The following FOXP2 variants were observed in gnomAD, a reference collection of about 807,000 sequenced individuals.
FOXP2 encodes forkhead box protein P2.
In FOXP2, 12 loss-of-function variants were observed where a neutral mutation model predicts 115.8. The ratio of observed to expected loss-of-function variants is 0.10; its 90% CI spans 0.07 to 0.17. The LOEUF (loss-of-function observed/expected upper bound fraction) is 0.17. Among genes scored for constraint, FOXP2 ranks in the 10% least tolerant of loss-of-function variants. FOXP2 has a pLI of 1.00. For missense variants in FOXP2, 629 were observed against 843.5 expected (o/e 0.75, Z 3.15); for synonymous variants, 328 against 297.7 (o/e 1.10, Z -1.05).
At chr7:114,557,823 A>ATTTG (rs1800541461) in intron 3 of FOXP2, among the ~76,000 whole-genome samples, 1 of 150,950 alleles carries the variant, frequency 6.6e-6, no homozygotes, top group Non-Finnish European at 1.5e-5. Flanking sequence ...TTATTTATTT[A>ATTTG]TTTAGAGATG....
Position 114,459,841 on chromosome 7 carries a change from G to A in FOXP2, c.168+33162G>A, listed in dbSNP as rs1041281002. On this transcript the variant is annotated intron_variant, in intron 2 of 16. Transcript: ENST00000350908. ...ATGTTGGTCCGGTTGATCTCGAACC[G>A]CTGACCTCAAGTGATCCTCCCGCCT... 1.7e-4 allele frequency among the ~76,000 whole-genome samples: 26 copies of A among 152,110 alleles called. 1 individual carries two copies. The highest frequency in any genetic ancestry group is 6.5e-5 in the Admixed American group (1 of 15,278).
At chr7:114,120,057 C>T (rs987459305) in intron 1 of FOXP2, among the ~76,000 whole-genome samples, 1 of 152,136 alleles carries the variant, frequency 6.6e-6, no homozygotes. Flanking sequence ...TCTGACATCT[C>T]ATCATTTAGC....
At chr7:114,534,830 T>G (rs1799302108) in intron 3 of FOXP2, 124 bp downstream of exon 3, 4 of 742,182 alleles carry the variant, frequency 5.4e-6, no homozygotes, top group Non-Finnish European at 9.5e-6. Flanking sequence ...GTAATTTTAA[T>G]TCATAAAGAG....
At chr7:114,628,401 T>C in intron 3 of FOXP2, 139 bp from the exon 4 acceptor site, 1 of 1,128,118 alleles carries the variant, frequency 8.9e-7, no homozygotes, top group Non-Finnish European at 1.3e-6. Context: ...TGTAAAGAAG[T>C]TATAGTAAAA....
chr7:114,515,049 A>G (rs1798263386), intron 2 of FOXP2, among the ~76,000 whole-genome samples: 2 of 151,280 alleles, frequency 1.3e-5, no homozygotes, highest in East Asian at 3.9e-4. Flanking sequence ...ACATGAACTC[A>G]TCATTTTTTA....
intron 1 of FOXP2, among the ~76,000 whole-genome samples, chr7:114,233,534 G>A (rs117622066): frequency 0.035 from 5,359 of 152,290 alleles, 139 homozygotes; most frequent in Non-Finnish European, 0.051. Flanking sequence ...AAGGGCTATG[G>A]GAATGGAGTG....
At chr7:114,411,788 C>A (rs897321998), upstream of FOXP2, among the ~76,000 whole-genome samples, 1 of 152,094 alleles carries the variant, frequency 6.6e-6, no homozygotes, top group Non-Finnish European at 1.5e-5. Context: ...CTTCTCAAAG[C>A]TGACAGTTGT....
chr7:114,599,604 CT>C (rs1047120795), intron 3 of FOXP2, among the ~76,000 whole-genome samples: 10 of 151,818 alleles, frequency 6.6e-5, no homozygotes, highest in South Asian at 2.1e-4. Context: ...AGTAGTATAA[CT>C]TTTTTTTATA....
chr7:114,399,039 T>C (rs185395506), intron 2 of FOXP2, among the ~76,000 whole-genome samples: 3 of 152,310 alleles, frequency 2.0e-5, no homozygotes, highest in East Asian at 3.9e-4. Flanking sequence ...CATGATCTGC[T>C]TACAGAAGAT....
At chr7:114,629,473 A>G in intron 4 of FOXP2, 1 of 843,694 alleles carries the variant, frequency 1.2e-6, no homozygotes, top group East Asian at 2.7e-5. Flanking sequence ...TTTTATTCTT[A>G]CAACTGGTAG....
intron 1 of FOXP2, among the ~76,000 whole-genome samples, chr7:114,228,350 A>G (rs1030931863): frequency 1.3e-5 from 2 of 152,030 alleles, no homozygotes; most frequent in African/African-American, 2.4e-5. Flanking sequence ...GGTGCCCTCA[A>G]TTGGTGCCTT....
At chr7:114,637,984 T>C (rs1179358085) in intron 6 of FOXP2, among the ~76,000 whole-genome samples, 5 of 152,144 alleles carry the variant, frequency 3.3e-5, no homozygotes, top group Admixed American at 3.3e-4. Flanking sequence ...TCAAAAGCAC[T>C]ATGTAAGTAT....
At chr7:114,353,241 A>G (rs1791536165) in intron 2 of FOXP2, among the ~76,000 whole-genome samples, 1 of 151,350 alleles carries the variant, frequency 6.6e-6, no homozygotes, top group South Asian at 2.1e-4. Context: ...ATTCATGTGT[A>G]GATGATCTTC....
At chr7:114,297,713 G>C (rs1226225095) in intron 2 of FOXP2, among the ~76,000 whole-genome samples, 1 of 152,094 alleles carries the variant, frequency 6.6e-6, no homozygotes, top group Non-Finnish European at 1.5e-5. Flanking sequence ...ATGGGATTCA[G>C]TCAGTTTCGA....
At chr7:114,372,710 G>A (rs1449554205) in intron 2 of FOXP2, among the ~76,000 whole-genome samples, 2 of 151,876 alleles carry the variant, frequency 1.3e-5, no homozygotes, top group African/African-American at 4.8e-5. Context: ...TCACTGTTAG[G>A]GTTTTTTTTT....
intron 2 of FOXP2, among the ~76,000 whole-genome samples, chr7:114,380,270 G>C (rs1172414009): frequency 6.6e-6 from 1 of 152,114 alleles, no homozygotes; most frequent in Non-Finnish European, 1.5e-5. Flanking sequence ...TTGCTGCGTG[G>C]GCATGGAGGA....
intron 1 of FOXP2, among the ~76,000 whole-genome samples, chr7:114,240,139 A>G: frequency 6.6e-6 from 1 of 152,188 alleles, no homozygotes; most frequent in Admixed American, 6.5e-5. Flanking sequence ...ATGCAGAAAG[A>G]TGTTATTGTC....
chr7:114,482,580 T>C (rs949489996), intron 2 of FOXP2, among the ~76,000 whole-genome samples: 1 of 151,580 alleles, frequency 6.6e-6, no homozygotes, highest in Non-Finnish European at 1.5e-5. Flanking sequence ...TTCTTTCCCT[T>C]TCATTTCCAT....
intron 2 of FOXP2, among the ~76,000 whole-genome samples, chr7:114,527,095 C>T (rs1340012506): frequency 6.7e-6 from 1 of 150,234 alleles, no homozygotes; most frequent in Non-Finnish European, 1.5e-5. Context: ...TTTTATTTAG[C>T]ATAATGTTTT....
Sources: allele counts gnomAD v4.1 joint callset (sites outside exome capture counted in the v4.1 genomes callset), GRCh38; gene constraint gnomAD v4.1.1; transcripts MANE v1.5; gene names NCBI Gene and HGNC (gene_info 2026-07-23, HGNC 2026-07-21).